SGCD: variants seen among roughly 807,000 people sequenced by gnomAD.
The protein encoded by SGCD is delta-sarcoglycan.
Under a neutral mutation model 36.6 loss-of-function variants are expected in SGCD, and 18 were observed. The observed-to-expected ratio is 0.49, with a 90% CI of 0.34 to 0.73. SGCD has a LOEUF of 0.73. SGCD is among the 30% of genes least tolerant of loss of function. The probability of loss-of-function intolerance (pLI) is 0.01; values close to 1 mark genes in which losing one functional copy is unlikely to be tolerated. For synonymous variants in SGCD, 133 were observed against 130.6 expected, an observed-to-expected ratio of 1.02 and a Z score of -0.12; for missense variants, 387 against 346.7, an observed-to-expected ratio of 1.12 and a Z score of -0.92.
At chr5:156,751,891 T>C (rs572302739) in intron 7 of SGCD, among the ~76,000 whole-genome samples, 41 of 152,354 alleles carry the variant, frequency 2.7e-4, no homozygotes, top group African/African-American at 8.4e-4. Flanking sequence ...GCTGTAGATA[T>C]GCAGATCCTT....
At chr5:156,268,212 C>T (rs1046646262) in intron 3 of SGCD, among the ~76,000 whole-genome samples, 1 of 152,178 alleles carries the variant, frequency 6.6e-6, no homozygotes, top group Non-Finnish European at 1.5e-5. Context: ...ATATGTATCA[C>T]ATTTTCTTTA....
intron 3 of SGCD, among the ~76,000 whole-genome samples, chr5:156,133,914 AACACAC>A (rs70981997): frequency 0.028 from 3,884 of 140,372 alleles, 80 homozygotes; most frequent in East Asian, 0.054. Flanking sequence ...GCCGGGTTAA[AACACAC>A]ACACACACAC....
intron 4 of SGCD, among the ~76,000 whole-genome samples, chr5:156,574,868 A>G (rs1430748043): frequency 6.6e-6 from 1 of 152,214 alleles, no homozygotes; most frequent in Non-Finnish European, 1.5e-5. Context: ...TTGACTCCCC[A>G]GAATGCCATG....
chr5:156,676,416 C>T (rs1212050839), intron 7 of SGCD, among the ~76,000 whole-genome samples: 2 of 152,182 alleles, frequency 1.3e-5, no homozygotes, highest in African/African-American at 2.4e-5. Context: ...AAAAGCAAAT[C>T]CCAGCAGTAT....
At chr5:156,376,967 T>G (rs1770703350) in intron 3 of SGCD, among the ~76,000 whole-genome samples, 1 of 152,082 alleles carries the variant, frequency 6.6e-6, no homozygotes. Context: ...CCAAAATTAA[T>G]CATCAATAAA....
At chr5:156,453,359 G>A (rs1158642859) in intron 3 of SGCD, among the ~76,000 whole-genome samples, 1 of 152,122 alleles carries the variant, frequency 6.6e-6, no homozygotes, top group Non-Finnish European at 1.5e-5. Context: ...GTTTTACAAG[G>A]TAGTGAGCAC....
intron 3 of SGCD, among the ~76,000 whole-genome samples, chr5:156,485,807 C>A (rs1388715779): frequency 6.6e-6 from 1 of 152,068 alleles, no homozygotes; most frequent in Admixed American, 6.6e-5. Flanking sequence ...TATTGGAGCT[C>A]TGAGGCAGGG....
At chr5:156,714,945 A>G (rs1755153399) in intron 7 of SGCD, among the ~76,000 whole-genome samples, 1 of 152,208 alleles carries the variant, frequency 6.6e-6, no homozygotes, top group Non-Finnish European at 1.5e-5. Context: ...ATATATCCAT[A>G]AATATCGGGA....
intron 3 of SGCD, among the ~76,000 whole-genome samples, chr5:156,282,989 G>T (rs1766494508): frequency 6.6e-6 from 1 of 152,102 alleles, no homozygotes; most frequent in East Asian, 1.9e-4. Context: ...TGTGTTTACT[G>T]TACTTCAGAA....
chr5:155,811,106 C>T, the SGCD span, among the ~76,000 whole-genome samples: 12 of 152,124 alleles, frequency 7.9e-5, no homozygotes, highest in Non-Finnish European at 4.4e-5. Context: ...CGTGAGCCAC[C>T]GCGCCCGGCC....
chr5:156,500,859 C>T (rs1240751104), intron 3 of SGCD, among the ~76,000 whole-genome samples: 1 of 152,118 alleles, frequency 6.6e-6, no homozygotes, highest in Non-Finnish European at 1.5e-5. Flanking sequence ...AACATAATAG[C>T]AATTTCCATC....
chr5:155,915,944 G>T (rs1305229260), intron 1 of SGCD, among the ~76,000 whole-genome samples: 1 of 152,152 alleles, frequency 6.6e-6, no homozygotes, highest in Admixed American at 6.5e-5. Context: ...AAAGAGAGAG[G>T]GGTAGCTTCC....
chr5:155,851,011 G>A, the SGCD span, among the ~76,000 whole-genome samples: 1 of 152,170 alleles, frequency 6.6e-6, no homozygotes, highest in African/African-American at 2.4e-5. Flanking sequence ...TACTGTCAAA[G>A]GGCATCCATT....
chr5:156,262,316 C>A lies in SGCD; in HGVS notation c.-43-67218C>A, dbSNP rs550616331. Among the ~76,000 whole-genome samples the A allele has an allele frequency of 9.2e-5, 14 of 152,184 alleles. No individual in the cohort carries two copies. In the South Asian group the frequency reaches 2.9e-3, roughly 32 times the overall value. On this transcript the variant is annotated intron_variant, in intron 3 of 9. Transcript: ENST00000517913. ...TTAGATATGTTTAGGTACATAAATT[C>A]TTATCATTGCATTACAGTTGCCTGC...
intron 8 of SGCD, among the ~76,000 whole-genome samples, chr5:156,758,624 CAT>C (rs1383943738): frequency 6.6e-6 from 1 of 152,176 alleles, no homozygotes; most frequent in Non-Finnish European, 1.5e-5. Flanking sequence ...GGCTACCTCA[CAT>C]ATGCAGTTTA....
intron 3 of SGCD, among the ~76,000 whole-genome samples, chr5:156,266,675 G>C (rs1383972389): frequency 6.6e-6 from 1 of 151,818 alleles, no homozygotes; most frequent in African/African-American, 2.4e-5. Context: ...TAGAGAAGGG[G>C]CTATGTTTCC....
intron 1 of SGCD, among the ~76,000 whole-genome samples, chr5:155,931,230 A>G (rs946632921): frequency 6.6e-6 from 1 of 152,102 alleles, no homozygotes; most frequent in Non-Finnish European, 1.5e-5. Flanking sequence ...TTGTTGGGTT[A>G]TCTTCAGTGA....
intron 1 of SGCD, among the ~76,000 whole-genome samples, chr5:155,942,423 G>A (rs1380262530): frequency 6.6e-6 from 1 of 151,770 alleles, no homozygotes; most frequent in Non-Finnish European, 1.5e-5. Flanking sequence ...TTTCTGGCAT[G>A]AGGAATTTGA....
At chr5:156,524,426 G>T (rs1309132960) in intron 4 of SGCD, among the ~76,000 whole-genome samples, 1 of 149,754 alleles carries the variant, frequency 6.7e-6, no homozygotes, top group Admixed American at 6.7e-5. Flanking sequence ...GGTCTAGCTT[G>T]GGGGTTCCCC....
Sources: gnomAD v4.1 joint callset for allele counts (sites outside exome capture counted in the v4.1 genomes callset) on GRCh38, gnomAD v4.1.1 for gene constraint, MANE v1.5 for transcripts, NCBI Gene and HGNC (gene_info 2026-07-23, HGNC 2026-07-21) for gene names.